HEPACAM2: variants seen among roughly 807,000 people sequenced by gnomAD.
HEPACAM2 encodes the protein mitotic kinetics regulator.
In HEPACAM2, 49 loss-of-function variants were observed where a neutral mutation model predicts 49.6. That is an observed-to-expected ratio of 0.99 (90% confidence interval 0.78 to 1.25). The LOEUF is 1.25. HEPACAM2 is among the 50% of genes most tolerant of loss of function. HEPACAM2 has a pLI of 0.00. For synonymous variants in HEPACAM2, 197 were observed against 202.9 expected, an observed-to-expected ratio of 0.97 and a Z score of 0.25; for missense variants, 525 against 557.2, an observed-to-expected ratio of 0.94 and a Z score of 0.58.
rs755560736 is a variant in HEPACAM2 at position 93,219,192 on chromosome 7, C to T, written c.339G>A (p.Gln113=). The part of the protein sequence containing the change: ...PNASLLINPL[Q]FPDEGNYIVK... ...CGATGTAATTGCCTTCATCAGGGAACTGCAGTGGGTTGATAAGCAGAGATG... is the reference window on the plus strand; with the variant it reads ...CGATGTAATTGCCTTCATCAGGGAATTGCAGTGGGTTGATAAGCAGAGATG... Residue 113 remains glutamine, a synonymous_variant, in exon 2 of 10, where the codon CAG becomes CAA. Transcript: ENST00000394468. 28 of 1,613,854 alleles carry T rather than the reference C, an allele frequency of 1.7e-5. No individual in the cohort carries two copies. The East Asian group carries it at 5.3e-4, about 31-fold the overall frequency.
At chr7:93,214,455 G>A (rs773729127) in intron 3 of HEPACAM2, among the ~76,000 whole-genome samples, 78 of 152,164 alleles carry the variant, frequency 5.1e-4, no homozygotes, top group South Asian at 8.3e-4. Context: ...ATTATCTGTC[G>A]TTAGTCTTTG....
intron 8 of HEPACAM2, 88 bp from the exon 9 acceptor site, chr7:93,192,451 G>A (rs577859092): frequency 4.4e-6 from 4 of 913,786 alleles, no homozygotes; most frequent in Admixed American, 4.0e-5. Context: ...ACAACTGGCA[G>A]TAGTGATGAT....
chr7:93,216,216 T>C (rs774869187), intron 2 of HEPACAM2, among the ~76,000 whole-genome samples: 3 of 152,218 alleles, frequency 2.0e-5, no homozygotes, highest in Non-Finnish European at 4.4e-5. Flanking sequence ...AAACTATTCT[T>C]TCTATGTATG....
chr7:93,221,982 G>T (rs989240624), intron 1 of HEPACAM2, among the ~76,000 whole-genome samples: 1 of 152,084 alleles, frequency 6.6e-6, no homozygotes, highest in East Asian at 1.9e-4. Context: ...ACTGGGTGCT[G>T]GGAATTCTAA....
chr7:93,189,452 G>T (rs1353077105), intron 9 of HEPACAM2, among the ~76,000 whole-genome samples, 182 bp from the exon 10 acceptor site: 1 of 151,892 alleles, frequency 6.6e-6, no homozygotes, highest in Admixed American at 6.6e-5. Flanking sequence ...ATTAAATTTT[G>T]TAGATAATTT....
chr7:93,228,891 G>GTA (rs1794583919), upstream of HEPACAM2, among the ~76,000 whole-genome samples: 1 of 145,128 alleles, frequency 6.9e-6, no homozygotes, highest in Admixed American at 7.0e-5. Context: ...GTGTGTGTAT[G>GTA]TGTGTGTATG....
upstream of HEPACAM2, among the ~76,000 whole-genome samples, chr7:93,228,563 T>G (rs1216101062): frequency 9.9e-6 from 1 of 100,928 alleles, no homozygotes; most frequent in Non-Finnish European, 1.7e-5. Context: ...TTCTTAAAAA[T>G]AGTTTGAAGG....
chr7:93,205,248 C>A (rs970551143), intron 4 of HEPACAM2, among the ~76,000 whole-genome samples: 1 of 152,066 alleles, frequency 6.6e-6, no homozygotes, highest in Non-Finnish European at 1.5e-5. Context: ...GAATCATAGT[C>A]CAAAGAGGGG....
intron 4 of HEPACAM2, among the ~76,000 whole-genome samples, chr7:93,206,477 C>T (rs1794032253): frequency 1.3e-5 from 2 of 151,826 alleles, no homozygotes; most frequent in Admixed American, 1.3e-4. Flanking sequence ...TTTATAACAC[C>T]CTAAAACACA....
upstream of HEPACAM2, among the ~76,000 whole-genome samples, chr7:93,228,297 G>A (rs1794573692): frequency 6.6e-6 from 1 of 152,166 alleles, no homozygotes; most frequent in Non-Finnish European, 1.5e-5. Flanking sequence ...TAAGGTGATA[G>A]TAGATGCTAC....
At chr7:93,220,931 T>C (rs904791596) in intron 1 of HEPACAM2, among the ~76,000 whole-genome samples, 2 of 152,098 alleles carry the variant, frequency 1.3e-5, no homozygotes, top group African/African-American at 4.8e-5. Context: ...ACCTACATCA[T>C]AGGAACATTT....
intron 2 of HEPACAM2, among the ~76,000 whole-genome samples, 197 bp from the exon 3 acceptor site, chr7:93,215,882 A>C (rs1476693899): frequency 1.3e-5 from 2 of 152,176 alleles, no homozygotes; most frequent in Non-Finnish European, 1.5e-5. Flanking sequence ...AAATATGAGA[A>C]TATCATTTAT....
chr7:93,212,461 A>G (rs1361150056), intron 3 of HEPACAM2, among the ~76,000 whole-genome samples: 2 of 151,914 alleles, frequency 1.3e-5, no homozygotes, highest in African/African-American at 2.4e-5. Flanking sequence ...TGCTTCTGAT[A>G]TGTTTCTTAA....
chr7:93,218,971 A>T, intron 2 of HEPACAM2, 130 bp downstream of exon 2: 1 of 686,130 alleles, frequency 1.5e-6, no homozygotes, highest in Non-Finnish European at 2.5e-6. Flanking sequence ...TGAGATATTG[A>T]GGCTTTGAGG....
chr7:93,215,927 C>T (rs1207646448), intron 2 of HEPACAM2, among the ~76,000 whole-genome samples: 7 of 152,134 alleles, frequency 4.6e-5, no homozygotes, highest in Admixed American at 4.6e-4. Flanking sequence ...ACTTACTTTT[C>T]AAGGATGGTC....
At chr7:93,221,926 T>C (rs1454455724) in intron 1 of HEPACAM2, among the ~76,000 whole-genome samples, 1 of 152,146 alleles carries the variant, frequency 6.6e-6, no homozygotes, top group Non-Finnish European at 1.5e-5. Flanking sequence ...TGTAAGACTA[T>C]TAAATCTGGA....
chr7:93,201,696 A>C (rs1265373235), intron 4 of HEPACAM2, among the ~76,000 whole-genome samples: 1 of 152,074 alleles, frequency 6.6e-6, no homozygotes, highest in Non-Finnish European at 1.5e-5. Flanking sequence ...ATGAAGCCCA[A>C]ATCTACTCAG....
At position 93,220,146 on chromosome 7, in the gene HEPACAM2, G is replaced by A. The variant is rs1323326098; in HGVS notation, c.80-695C>T. Among the ~76,000 whole-genome samples, 5 of 152,258 alleles carry A rather than the reference G, an allele frequency of 3.3e-5. No individual in the cohort carries two copies. In the East Asian group the frequency reaches 5.8e-4, roughly 18 times the overall value. On this transcript the variant is annotated intron_variant, in intron 1 of 9. Transcript: ENST00000394468. ...CAGACTGGCAGGACCTTAGGATCAC[G>A]GGAAAAACTCTGGCAATTTTACTCT...
chr7:93,227,738 G>A (rs886969762), upstream of HEPACAM2, among the ~76,000 whole-genome samples: 9 of 152,140 alleles, frequency 5.9e-5, no homozygotes, highest in African/African-American at 2.2e-4. Flanking sequence ...TCTCTGCACT[G>A]TCTCTAAATC....
Sources: allele counts gnomAD v4.1 joint callset (sites outside exome capture counted in the v4.1 genomes callset), GRCh38; gene constraint gnomAD v4.1.1; transcripts MANE v1.5; gene names NCBI Gene and HGNC (gene_info 2026-07-23, HGNC 2026-07-21).